NEK6: variants seen among roughly 807,000 people sequenced by gnomAD.
NEK6 encodes NIMA related kinase 6.
NEK6 carries 27 observed loss-of-function variants against 43.5 expected under a neutral mutation model. The ratio of observed to expected loss-of-function variants is 0.62; its 90% CI spans 0.46 to 0.86. The LOEUF (loss-of-function observed/expected upper bound fraction) is 0.86. Ranked by LOEUF, NEK6 falls within the 40% of genes least tolerant of loss-of-function variation. The probability of loss-of-function intolerance (pLI) is 0.00; values close to 1 mark genes in which losing one functional copy is unlikely to be tolerated. For synonymous variants in NEK6, 167 were observed against 164.1 expected (o/e 1.02, Z -0.14); for missense variants, 318 against 414.4 (o/e 0.77, Z 2.02).
At chr9:124,341,376 C>T (rs972677317) in intron 8 of NEK6, among the ~76,000 whole-genome samples, 2 of 116,242 alleles carry the variant, frequency 1.7e-5, no homozygotes, top group Non-Finnish European at 3.9e-5. Context: ...TCAGCAGATG[C>T]GGGTGACAAG....
chr9:124,346,323 A>G (rs1829921900), intron 8 of NEK6, among the ~76,000 whole-genome samples: 1 of 152,140 alleles, frequency 6.6e-6, no homozygotes, highest in African/African-American at 2.4e-5. Context: ...CTGTTCATGG[A>G]CGAACACAGA....
chr9:124,344,034 A>G (rs570995820), intron 8 of NEK6, among the ~76,000 whole-genome samples: 7 of 152,200 alleles, frequency 4.6e-5, no homozygotes, highest in South Asian at 2.1e-4. Context: ...CTGGGGGCGA[A>G]TCTGTTTCCT....
At chr9:124,302,759 G>A (rs1351823827) in intron 2 of NEK6, among the ~76,000 whole-genome samples, 2 of 152,212 alleles carry the variant, frequency 1.3e-5, no homozygotes, top group East Asian at 1.9e-4. Flanking sequence ...TGGGCTGCCC[G>A]CACACCTGTG....
intron 1 of NEK6, among the ~76,000 whole-genome samples, chr9:124,262,657 G>A (rs1332485214): frequency 1.3e-5 from 2 of 152,232 alleles, no homozygotes; most frequent in Non-Finnish European, 2.9e-5. Flanking sequence ...GCGAGTGGGG[G>A]GGCCATGGGA....
intron 8 of NEK6, among the ~76,000 whole-genome samples, chr9:124,346,559 T>G (rs1255041797): frequency 6.6e-6 from 1 of 152,048 alleles, no homozygotes; most frequent in Non-Finnish European, 1.5e-5. Flanking sequence ...CCGACGGCAC[T>G]TCACTAGCCG....
intron 1 of NEK6, chr9:124,292,619 G>A: frequency 6.7e-7 from 1 of 1,498,436 alleles, no homozygotes; most frequent in Non-Finnish European, 9.0e-7. Flanking sequence ...CAGTCAGCAG[G>A]GTAGTAGCTG....
At position 124,351,051 on chromosome 9, in the gene NEK6, G is replaced by C; in HGVS notation, c.*104G>C. 1 of 723,518 alleles carries C rather than the reference G, an allele frequency of 1.4e-6. No homozygotes were observed. Among genetic ancestry groups the C allele is most frequent in the Non-Finnish European group, 2.3e-6 (1 of 432,356 alleles). 44.8% of individuals were successfully genotyped at this position (723,518 alleles called of 1,614,324 possible). On this transcript the variant is annotated 3_prime_UTR_variant, in exon 10 of 10. Transcript: ENST00000320246. ...GTAGCCTAGAACAGCTAAGACCACAGGGTTCAGCAGGTTCCCCAAAAGGCT... is the reference window on the plus strand; with the variant it reads ...GTAGCCTAGAACAGCTAAGACCACACGGTTCAGCAGGTTCCCCAAAAGGCT...
chr9:124,266,753 G>A (rs776833166), intron 1 of NEK6, among the ~76,000 whole-genome samples: 5 of 152,214 alleles, frequency 3.3e-5, no homozygotes, highest in South Asian at 2.1e-4. Flanking sequence ...AAGTAGGCAC[G>A]CGGCCGGATC....
chr9:124,278,047 C>T (rs979029400), intron 1 of NEK6, among the ~76,000 whole-genome samples: 8 of 152,326 alleles, frequency 5.3e-5, no homozygotes, highest in Admixed American at 3.9e-4. Flanking sequence ...GCGTATGTGA[C>T]GTTGGTCCCA....
Position 124,350,922 on chromosome 9 carries a change from TGCACATCTGGATGTCCA to T in NEK6, c.922_938del (p.Ile308LeufsTer103). 6.2e-7 allele frequency: 1 copy of T among 1,610,456 alleles called. No individual in the cohort carries two copies. Among genetic ancestry groups the T allele is most frequent in the Non-Finnish European group, 8.5e-7 (1 of 1,179,854 alleles). On this transcript the variant is annotated frameshift_variant, in exon 10 of 10. Transcript: ENST00000320246. LOFTEE classifies it high-confidence loss of function. ...TACGTGCACCAGGTGGCCAAGCAGA[TGCACATCTGGATGTCCA>T]GCACCTGAGCGTGGATGCACCGTGC... is the stretch of plus-strand genomic sequence containing the variant.
In NEK6 at chr9:124,291,080, G is replaced by A. The variant is rs953372513; in HGVS notation, c.-29-10856G>A. 2.0e-5 allele frequency among the ~76,000 whole-genome samples: 3 copies of A among 152,214 alleles called. No individual in the cohort carries two copies. The South Asian group carries it at 6.2e-4, about 31-fold the overall frequency. ...ATCAAATAACAACCCCACTGATGGG[G>A]TATCTGCCTTGTGCCCCGCCTGGCC... On this transcript the variant is annotated intron_variant, in intron 1 of 9. Transcript: ENST00000320246.
chr9:124,282,654 T>A (rs1588455205), intron 1 of NEK6, among the ~76,000 whole-genome samples: 1 of 150,986 alleles, frequency 6.6e-6, no homozygotes, highest in Middle Eastern at 3.4e-3. Context: ...CACTGAATAC[T>A]CAGGGGCACG....
In NEK6 at chr9:124,352,721, A is replaced by G. The variant is rs1830330065; in HGVS notation, c.*1774A>G. ...CCTGGAATGTTCTCTCCACAGAACA[A>G]TCAAGTCCCTGTCGCCTGCCTAGTG... On this transcript the variant is annotated 3_prime_UTR_variant, in exon 10 of 10. Coordinates refer to ENST00000320246, the MANE Select transcript of NEK6 (RefSeq NM_014397.6). 6.6e-6 allele frequency: 1 copy of G among 152,206 alleles called. No individual in the cohort carries two copies. Among genetic ancestry groups the G allele is most frequent in the Non-Finnish European group, 1.5e-5 (1 of 68,056 alleles). The allele number at this position is 152,206 out of a possible 1,614,324, so 9.4% of individuals were successfully genotyped here. A position where few individuals can be genotyped will look rare whatever the true frequency, so the allele number is the denominator to read the frequency against.
intron 2 of NEK6, among the ~76,000 whole-genome samples, chr9:124,308,007 G>A (rs367633916): frequency 3.9e-5 from 6 of 152,204 alleles, no homozygotes; most frequent in East Asian, 1.9e-4. Flanking sequence ...CCGTCACCAC[G>A]ACTGGAGAAT....
chr9:124,300,346 G>T (rs936282819), intron 1 of NEK6, among the ~76,000 whole-genome samples: 1 of 152,170 alleles, frequency 6.6e-6, no homozygotes, highest in Admixed American at 6.5e-5. Context: ...AGCCCGGAGG[G>T]TGTTGATGCC....
At chr9:124,266,511 G>A (rs1398943220) in intron 1 of NEK6, among the ~76,000 whole-genome samples, 1 of 152,208 alleles carries the variant, frequency 6.6e-6, no homozygotes, top group African/African-American at 2.4e-5. Flanking sequence ...CAGGACCTGT[G>A]TGAGGGCCCC....
chr9:124,336,483 G>A (rs984259426), intron 7 of NEK6, among the ~76,000 whole-genome samples: 5 of 152,046 alleles, frequency 3.3e-5, no homozygotes, highest in Non-Finnish European at 7.4e-5. Flanking sequence ...CTCCTGACCC[G>A]TGAAACCCTG....
chr9:124,339,514 T>C (rs973016735), intron 7 of NEK6, 57 bp from the exon 8 acceptor site: 9 of 1,275,618 alleles, frequency 7.1e-6, no homozygotes, highest in African/African-American at 1.5e-5. Context: ...CTCACCTCTG[T>C]GCCCTGCCCC....
chr9:124,286,060 G>A (rs1832143379), intron 1 of NEK6, among the ~76,000 whole-genome samples: 1 of 152,162 alleles, frequency 6.6e-6, no homozygotes, highest in African/African-American at 2.4e-5. Context: ...CTAGTCTCGT[G>A]AACGGTTCCC....
Sources: gnomAD v4.1 joint callset for allele counts (sites outside exome capture counted in the v4.1 genomes callset) on GRCh38, gnomAD v4.1.1 for gene constraint, MANE v1.5 for transcripts, NCBI Gene and HGNC (gene_info 2026-07-23, HGNC 2026-07-21) for gene names.